Variants in SEMA4D observed in about 807,000 individuals in gnomAD.
The protein encoded by SEMA4D is semaphorin-4D.
SEMA4D carries 22 observed loss-of-function variants against 74.8 expected under a neutral mutation model. That is an observed-to-expected ratio of 0.29 (90% CI 0.21 to 0.42). SEMA4D has a LOEUF of 0.42. Among genes scored for constraint, SEMA4D ranks in the 10% least tolerant of loss-of-function variants. The pLI, the probability that SEMA4D is intolerant of heterozygous loss-of-function variation, is 1.00. For missense variants in SEMA4D, 937 were observed against 1,118.4 expected (o/e 0.84, Z 2.31); for synonymous variants, 445 against 463.7 (o/e 0.96, Z 0.52).
intron 2 of SEMA4D, among the ~76,000 whole-genome samples, chr9:89,432,250 A>T (rs1051907194): frequency 1.3e-5 from 2 of 151,716 alleles, no homozygotes; most frequent in Non-Finnish European, 2.9e-5. Flanking sequence ...CCACTAATAT[A>T]AGTAGTATTA....
intron 1 of SEMA4D, among the ~76,000 whole-genome samples, chr9:89,462,537 G>T (rs145018149): frequency 6.6e-6 from 1 of 152,202 alleles, no homozygotes; most frequent in East Asian, 1.9e-4. Context: ...AAAATAGGTG[G>T]GGTTGTTTTT....
intron 16 of SEMA4D, among the ~76,000 whole-genome samples, chr9:89,371,108 T>G (rs1834586554): frequency 1.4e-4 from 1 of 6,924 alleles, no homozygotes; most frequent in African/African-American, 5.8e-4. Context: ...ATAAGGTGTG[T>G]GTGGGGGGGT....
At chr9:89,389,251 C>T (rs1331547520) in intron 9 of SEMA4D, among the ~76,000 whole-genome samples, 4 of 152,212 alleles carry the variant, frequency 2.6e-5, no homozygotes, top group Non-Finnish European at 2.9e-5. Flanking sequence ...TCCCAGAACG[C>T]TCCTGGGTTA....
intron 1 of SEMA4D, among the ~76,000 whole-genome samples, chr9:89,471,324 A>G (rs765325260): frequency 6.6e-6 from 1 of 152,248 alleles, no homozygotes. Context: ...TAATGCCACT[A>G]AACTATACCC....
intron 6 of SEMA4D, 32 bp downstream of exon 6, chr9:89,396,705 C>T (rs199940888): frequency 1.7e-5 from 26 of 1,567,110 alleles, no homozygotes; most frequent in African/African-American, 9.5e-5. Flanking sequence ...ACCAGGCTGG[C>T]GTGAGCACAG....
At chr9:89,362,085 C>T in exon 19 of SEMA4D, 4 of 534,412 alleles carry the variant, frequency 7.5e-6, no homozygotes, top group Non-Finnish European at 1.4e-5. Flanking sequence ...ACACACCCTG[C>T]TGTTTTAGTT....
downstream of SEMA4D, chr9:89,376,719 G>C (rs958425147): frequency 2.1e-6 from 3 of 1,409,284 alleles, no homozygotes; most frequent in Non-Finnish European, 2.8e-6. Context: ...AGCCAGGACA[G>C]ATAAGGAAGG....
At chr9:89,413,502 G>T (rs1329953774) in intron 2 of SEMA4D, among the ~76,000 whole-genome samples, 2 of 152,206 alleles carry the variant, frequency 1.3e-5, no homozygotes, top group Non-Finnish European at 2.9e-5. Context: ...CTGTATTTCT[G>T]TATGTGTGCA....
intron 2 of SEMA4D, chr9:89,418,381 C>T: frequency 3.0e-6 from 3 of 985,336 alleles, no homozygotes; most frequent in Non-Finnish European, 3.6e-6. Context: ...AGAGATGAGC[C>T]CCAGGACCCG....
At position 89,390,123 on chromosome 9, in the gene SEMA4D, G is replaced by A. The variant is rs146682959; in HGVS notation, c.775-1076C>T. On this transcript the variant is annotated intron_variant, in intron 9 of 15. Coordinates refer to ENST00000422704, the MANE Select transcript of SEMA4D (RefSeq NM_001371194.2). ...TCACTGATCCTGCTGCAAACCCTCA[G>A]TGCTGGGTAATAAGTCAAGGTCAAG... 8.5e-3 allele frequency among the ~76,000 whole-genome samples: 1,290 copies of A among 152,344 alleles called. 11 individuals are homozygous for A. The highest frequency in any genetic ancestry group is 0.051 in the South Asian group (248 of 4,826).
At chr9:89,459,988 C>CA (rs1387813720) in intron 1 of SEMA4D, among the ~76,000 whole-genome samples, 2 of 152,130 alleles carry the variant, frequency 1.3e-5, no homozygotes, top group African/African-American at 2.4e-5. Context: ...ACAACTGCTA[C>CA]AAAAAAAGCC....
intron 7 of SEMA4D, 58 bp downstream of exon 7, chr9:89,393,504 G>C (rs537134520): frequency 7.4e-7 from 1 of 1,357,646 alleles, no homozygotes; most frequent in African/African-American, 1.4e-5. Flanking sequence ...TATCCTGTTT[G>C]GTAATTAACA....
chr9:89,391,183 C>G (rs538338645), intron 9 of SEMA4D, 81 bp downstream of exon 9: 6 of 1,390,070 alleles, frequency 4.3e-6, no homozygotes. Flanking sequence ...ACATTTGAGA[C>G]GAAGGTCAGG....
Position 89,449,720 on chromosome 9 carries a change from C to T in SEMA4D, c.-244+6168G>A, listed in dbSNP as rs1479608703. 11 of 1,513,770 alleles carry T rather than the reference C, an allele frequency of 7.3e-6. No individual in the cohort carries two copies. The African/African-American group carries it at 8.2e-5, about 11-fold the overall frequency. 93.8% of individuals were successfully genotyped at this position (1,513,770 alleles called of 1,614,324 possible). A position where few individuals can be genotyped will look rare whatever the true frequency, so the allele number is the denominator to read the frequency against. ...TGAGCCTGTGTGAGAAAGGTGATGC[C>T]GTGATTATGCAAGAAACAGGGAAAA... On this transcript the variant is annotated intron_variant, in intron 2 of 15. Coordinates refer to ENST00000422704, the MANE Select transcript of SEMA4D (RefSeq NM_001371194.2).
intron 9 of SEMA4D, among the ~76,000 whole-genome samples, chr9:89,389,441 G>GCT (rs1005895674): frequency 1.3e-5 from 2 of 152,174 alleles, no homozygotes; most frequent in African/African-American, 4.8e-5. Context: ...CAATGAACAT[G>GCT]CTCTGGGTGG....
chr9:89,382,572 G>A (rs997564676), intron 13 of SEMA4D, among the ~76,000 whole-genome samples: 3 of 152,204 alleles, frequency 2.0e-5, no homozygotes, highest in African/African-American at 4.8e-5. Context: ...CTGGCCCGCC[G>A]CTGGCCTCAC....
intron 2 of SEMA4D, among the ~76,000 whole-genome samples, chr9:89,430,460 G>A (rs982088869): frequency 6.6e-6 from 1 of 152,170 alleles, no homozygotes; most frequent in African/African-American, 2.4e-5. Context: ...AGCCTGCAGA[G>A]GGGCAGCAGC....
chr9:89,389,834 G>A (rs1036021048), intron 9 of SEMA4D, among the ~76,000 whole-genome samples: 1 of 152,194 alleles, frequency 6.6e-6, no homozygotes, highest in Non-Finnish European at 1.5e-5. Context: ...TTTCCTCCTT[G>A]ATGTTTTAGC....
At chr9:89,472,274 G>A (rs918810784) in intron 1 of SEMA4D, 10 of 374,184 alleles carry the variant, frequency 2.7e-5, no homozygotes, top group Admixed American at 1.5e-4. Flanking sequence ...AAAGTCCTTC[G>A]CAATTTCTGA....
Sources: allele counts gnomAD v4.1 joint callset (sites outside exome capture counted in the v4.1 genomes callset), GRCh38; gene constraint gnomAD v4.1.1; transcripts MANE v1.5; gene names NCBI Gene and HGNC (gene_info 2026-07-23, HGNC 2026-07-21).